Variants in F8 observed in about 807,000 individuals in gnomAD.
F8 encodes the protein antihemophilic factor.
Under a neutral mutation model 140.6 loss-of-function variants are expected in F8, and 12 were observed. The ratio of observed to expected loss-of-function variants is 0.09; its 90% confidence interval spans 0.05 to 0.14. The LOEUF (loss-of-function observed/expected upper bound fraction) is 0.14. Ranked by LOEUF, F8 falls within the 10% of genes least tolerant of loss-of-function variation. The pLI, the probability that F8 is intolerant of heterozygous loss-of-function variation, is 1.00. For missense variants in F8, 1,354 were observed against 1,720.7 expected, an observed-to-expected ratio of 0.79 and a Z score of 3.77; for synonymous variants, 585 against 614.6, an observed-to-expected ratio of 0.95 and a Z score of 0.71.
intron 22 of F8, among the ~76,000 whole-genome samples, chrX:154,872,029 A>G (rs1557273614): frequency 8.9e-6 from 1 of 112,286 alleles, no homozygotes; most frequent in African/African-American, 3.2e-5. Context: ...AACGGTGATC[A>G]TTAAAAAGTC....
intron 6 of F8, among the ~76,000 whole-genome samples, chrX:154,975,126 G>A (rs782488994): frequency 1.8e-5 from 2 of 110,413 alleles, no homozygotes; most frequent in Admixed American, 1.9e-4. Flanking sequence ...TAATAATTTG[G>A]GGTTTTGTTT....
At chrX:154,956,106 A>G (rs1330972440) in intron 11 of F8, among the ~76,000 whole-genome samples, 1 of 112,101 alleles carries the variant, frequency 8.9e-6, no homozygotes, top group African/African-American at 3.2e-5. Context: ...TATTTCTCCT[A>G]TTCGCTTTTG....
chrX:154,844,728 C>G (rs1263101668), intron 25 of F8, among the ~76,000 whole-genome samples: 2 of 111,536 alleles, frequency 1.8e-5, no homozygotes. Context: ...ACAATCATGT[C>G]GTCTGCGAAC....
chrX:154,927,271 G>A (rs1056457568), intron 14 of F8, among the ~76,000 whole-genome samples: 20 of 111,707 alleles, frequency 1.8e-4, no homozygotes, highest in East Asian at 1.1e-3. Flanking sequence ...ATTTTAAGAC[G>A]GTTTCTGTAA....
At chrX:154,987,931 A>G (rs1466598704) in intron 4 of F8, among the ~76,000 whole-genome samples, 5 of 112,155 alleles carry the variant, frequency 4.5e-5, no homozygotes, top group African/African-American at 1.3e-4. Context: ...TTGAGTAGAA[A>G]GATTTTTGTT....
At chrX:154,917,220 T>G (rs1177549507) in intron 14 of F8, among the ~76,000 whole-genome samples, 1 of 112,125 alleles carries the variant, frequency 8.9e-6, no homozygotes, top group Non-Finnish European at 1.9e-5. Context: ...GAATGTTCCA[T>G]GTGCTGATAA....
intron 1 of F8, among the ~76,000 whole-genome samples, chrX:155,005,503 G>A (rs1012629651): frequency 7.2e-5 from 8 of 110,977 alleles, no homozygotes; most frequent in Non-Finnish European, 1.1e-4. Context: ...AGTACCAGTT[G>A]CAGACTCAAG....
chrX:154,943,013 T>G (rs1603434264), intron 13 of F8, among the ~76,000 whole-genome samples: 2 of 111,070 alleles, frequency 1.8e-5, no homozygotes, highest in South Asian at 3.9e-4. Flanking sequence ...TGATGGGACG[T>G]ATCTCAAAAT....
At chrX:154,845,628 T>C (rs2072559499) in intron 25 of F8, among the ~76,000 whole-genome samples, 1 of 111,991 alleles carries the variant, frequency 8.9e-6, no homozygotes, top group African/African-American at 3.2e-5. Flanking sequence ...TCTGTGGGAT[T>C]GGTGGTGATA....
chrX:154,996,488 G>C lies in F8; in HGVS notation c.388+485C>G, dbSNP rs1023609473. On this transcript the variant is annotated intron_variant, in intron 3 of 25. Coordinates refer to ENST00000360256, the MANE Select transcript of F8 (RefSeq NM_000132.4). ...TTTTCTCATAAATTTCAAAATGCTA[G>C]TGCAAGTACTCTCATTGGCCTAGCT... Among the ~76,000 whole-genome samples, 8 of 111,813 alleles carry C rather than the reference G, an allele frequency of 7.2e-5. 1 individual carries two copies. In the Admixed American group the frequency reaches 7.6e-4, roughly 11 times the overall value.
At position 154,987,336 on chromosome X, in the gene F8, A is replaced by G. The variant is rs1557284324; in HGVS notation, c.602-31T>C. ...AAAGAAGTGAGAACATTTATCTTCT[A>G]TTTAAAAAATCTCATTGTAGGAAAT... On this transcript the variant is annotated intron_variant, in intron 4 of 25. Coordinates refer to ENST00000360256, the MANE Select transcript of F8 (RefSeq NM_000132.4). The G allele has an allele frequency of 3.5e-6, 4 of 1,147,942 alleles. No individual in the cohort carries two copies. In the South Asian group the frequency reaches 7.3e-5, roughly 21 times the overall value. 94.6% of individuals were successfully genotyped at this position (1,147,942 alleles called of 1,213,427 possible).
At chrX:154,988,184 G>C (rs1441565291) in intron 4 of F8, among the ~76,000 whole-genome samples, 1 of 111,973 alleles carries the variant, frequency 8.9e-6, no homozygotes, top group African/African-American at 3.3e-5. Flanking sequence ...CAATTGAGTT[G>C]TTTGTTCTCT....
intron 25 of F8, among the ~76,000 whole-genome samples, chrX:154,846,742 G>A (rs976403573): frequency 1.1e-3 from 126 of 111,916 alleles, no homozygotes; most frequent in African/African-American, 3.9e-3. Flanking sequence ...TATCCAATGT[G>A]CCAGTCTGTG....
Position 155,022,620 on chromosome X carries a change from C to T in F8, c.-68G>A, listed in dbSNP as rs782618595. The T allele has an allele frequency of 6.4e-4, 770 of 1,205,057 alleles. 2 individuals carry two copies. Among genetic ancestry groups the T allele is most frequent in the Non-Finnish European group, 8.3e-4 (739 of 893,227 alleles). Reference sequence around the variant, plus strand: ...ATTCTTCTCTAAAATATCTTTAGCTCCCAGGAGGGGAAAAAAGTAAAATTT... The same window carrying T: ...ATTCTTCTCTAAAATATCTTTAGCTTCCAGGAGGGGAAAAAAGTAAAATTT... On this transcript the variant is annotated 5_prime_UTR_variant, in exon 1 of 26. Transcript: ENST00000360256.
Position 154,929,574 on chromosome X carries a change from G to A in F8, c.4216C>T (p.Pro1406Ser), listed in dbSNP as rs1557278477. The change falls in exon 14 of 26, where the codon CCA becomes TCA. Residue 1406 changes from proline to serine, a missense_variant. This residue lies in a region of F8 where 658 missense variants were observed against 666.5 expected (regional missense o/e 0.99). Coordinates refer to ENST00000360256, the MANE Select transcript of F8 (RefSeq NM_000132.4). ...SHSIPQANRS[P>S]LPIAKVSSFP... ...GATGATACCTTTGCAATGGGTAATG[G>A]AGATCTATTTGCTTGAGGGATGCTA... The A allele has an allele frequency of 4.1e-6, 5 of 1,211,014 alleles. No homozygotes were observed. The South Asian group carries it at 8.8e-5, about 21-fold the overall frequency.
At chrX:154,957,234 ATGT>A in intron 10 of F8, 63 bp from the exon 11 acceptor site, 1 of 910,419 alleles carries the variant, frequency 1.1e-6, no homozygotes, top group Non-Finnish European at 1.6e-6. Flanking sequence ...ATTGATAATC[ATGT>A]TGTTGTTGCA....
intron 6 of F8, among the ~76,000 whole-genome samples, chrX:154,979,586 G>C (rs1162372526): frequency 8.9e-6 from 1 of 112,011 alleles, no homozygotes; most frequent in Non-Finnish European, 1.9e-5. Context: ...TCAGGGAGTA[G>C]CTGTAGGCAG....
At chrX:154,841,213 T>C (rs1196729554) in intron 25 of F8, among the ~76,000 whole-genome samples, 1 of 103,976 alleles carries the variant, frequency 9.6e-6, no homozygotes, top group African/African-American at 3.5e-5. Flanking sequence ...TTCTTCTTTT[T>C]TTTTTTTTTT....
Position 154,929,164 on chromosome X carries a change from C to G in F8, c.4626G>C (p.Gly1542=). ...CTCCCTCTGTTCCCTGAAGAAGGCTCCCTTCCACGAGATCCAGATGGCCAG... is the reference window on the plus strand; with the variant it reads ...CTCCCTCTGTTCCCTGAAGAAGGCTGCCTTCCACGAGATCCAGATGGCCAG... The part of the protein sequence containing the change: ...GSPGHLDLVE[G]SLLQGTEGAI... Residue 1542 remains glycine (G), a synonymous_variant, in exon 14 of 26, where the codon GGG becomes GGC. Transcript: ENST00000360256. The G allele has an allele frequency of 2.5e-6, 3 of 1,211,608 alleles. No homozygotes were observed. The highest frequency in any genetic ancestry group is 3.4e-6 in the Non-Finnish European group (3 of 895,416).
Sources: allele counts gnomAD v4.1 joint callset (sites outside exome capture counted in the v4.1 genomes callset), GRCh38; gene constraint gnomAD v4.1.1; regional missense constraint gnomAD v4.1.1; transcripts MANE v1.5; gene names NCBI Gene and HGNC (gene_info 2026-07-23, HGNC 2026-07-21).